Variants in PDE4D observed in about 807,000 individuals in gnomAD.
PDE4D encodes the protein 3',5'-cyclic-AMP phosphodiesterase 4D.
Under a neutral mutation model 87.4 loss-of-function variants are expected in PDE4D, and 24 were observed. That is an observed-to-expected ratio of 0.27 (90% CI 0.20 to 0.39). The LOEUF is 0.39. PDE4D is among the 10% of genes least tolerant of loss of function. The pLI, the probability that PDE4D is intolerant of heterozygous loss-of-function variation, is 1.00. For missense variants in PDE4D, 714 were observed against 1,041.0 expected (o/e 0.69, Z 4.32); for synonymous variants, 384 against 383.2 (o/e 1.00, Z -0.02).
intron 1 of PDE4D, among the ~76,000 whole-genome samples, chr5:60,248,944 C>T (rs1012865578): frequency 2.6e-5 from 4 of 152,014 alleles, no homozygotes; most frequent in Admixed American, 1.3e-4. Flanking sequence ...GCATTCACTG[C>T]GCAAAGAGCA....
chr5:60,334,403 A>G (rs1158250054), intron 1 of PDE4D, among the ~76,000 whole-genome samples: 1 of 152,192 alleles, frequency 6.6e-6, no homozygotes, highest in Non-Finnish European at 1.5e-5. Flanking sequence ...CAAGCTAGTG[A>G]GTAAGGGAAT....
At position 60,378,899 on chromosome 5, in the gene PDE4D, A is replaced by AGAG. The variant is rs567222821; in HGVS notation, c.-90+109042_-90+109043insCTC. 3.1e-3 allele frequency among the ~76,000 whole-genome samples: 470 copies of AGAG among 151,062 alleles called. 3 individuals carry two copies. The highest frequency in any genetic ancestry group is 0.011 in the African/African-American group (442 of 40,600). On this transcript the variant is annotated intron_variant, in intron 1 of 16. Transcript: ENST00000502484. ...AGAAAGAAAGAGAGAGAGAGAGAGA[A>AGAG]AGAAAGAAAGAAAGAAAGCAGTATG...
intron 3 of PDE4D, among the ~76,000 whole-genome samples, chr5:59,944,974 C>T (rs372031183): frequency 5.3e-5 from 8 of 152,182 alleles, no homozygotes; most frequent in African/African-American, 1.9e-4. Context: ...AAATAACCAC[C>T]CTGGACTATA....
chr5:60,023,345 A>T (rs1456727449), intron 2 of PDE4D, among the ~76,000 whole-genome samples: 3 of 151,986 alleles, frequency 2.0e-5, no homozygotes, highest in Non-Finnish European at 4.4e-5. Context: ...TCTTATTTCA[A>T]CTTTTTTGTT....
At chr5:59,322,680 C>T (rs27170) in intron 1 of PDE4D, among the ~76,000 whole-genome samples, 92,913 of 151,994 alleles carry the variant, frequency 0.61, 29,510 homozygotes, top group African/African-American at 0.77. Flanking sequence ...GGTTTAGTCA[C>T]ATTATGTGCT....
At chr5:60,363,946 A>C (rs1448199642) in intron 1 of PDE4D, among the ~76,000 whole-genome samples, 1 of 152,226 alleles carries the variant, frequency 6.6e-6, no homozygotes, top group Non-Finnish European at 1.5e-5. Flanking sequence ...ATGTGGAATA[A>C]AATCCAAGAT....
intron 1 of PDE4D, among the ~76,000 whole-genome samples, chr5:59,716,645 A>C (rs1458151392): frequency 6.6e-6 from 1 of 152,164 alleles, no homozygotes; most frequent in Non-Finnish European, 1.5e-5. Flanking sequence ...AAGAATATTC[A>C]CAGTAGTACT....
chr5:59,660,455 A>G (rs944770479), intron 1 of PDE4D, among the ~76,000 whole-genome samples: 1 of 152,044 alleles, frequency 6.6e-6, no homozygotes. Flanking sequence ...ATGAGGCTTC[A>G]TTATTTTTTT....
chr5:59,529,266 A>G (rs1813716943), intron 1 of PDE4D: 2 of 449,574 alleles, frequency 4.4e-6, no homozygotes, highest in Non-Finnish European at 8.8e-6. Flanking sequence ...TCTGGCAATG[A>G]TGACTATAAG....
intron 5 of PDE4D, among the ~76,000 whole-genome samples, chr5:59,152,246 G>C (rs1779577687): frequency 1.3e-5 from 2 of 152,076 alleles, no homozygotes; most frequent in African/African-American, 4.8e-5. Context: ...ACACAGAATT[G>C]TTATTATTGA....
intron 1 of PDE4D, among the ~76,000 whole-genome samples, chr5:59,323,697 C>T (rs1020812017): frequency 6.6e-6 from 1 of 152,078 alleles, no homozygotes; most frequent in Non-Finnish European, 1.5e-5. Flanking sequence ...ACCACTCTTT[C>T]CTGGAATATT....
rs1561221742 is a variant in PDE4D at position 60,411,033 on chromosome 5, T to C, written c.-90+76909A>G. ...TTCCCCAGGTCAGTTTTGCAGCTAA[T>C]ACATGGAAGAACTGACATTTGAACA... On this transcript the variant is annotated intron_variant, in intron 1 of 16. Transcript: ENST00000502484. 3.3e-5 allele frequency among the ~76,000 whole-genome samples: 5 copies of C among 152,308 alleles called. No individual in the cohort carries two copies. The South Asian group carries it at 8.3e-4, about 25-fold the overall frequency.
chr5:59,703,278 T>C (rs1752878014), intron 1 of PDE4D, among the ~76,000 whole-genome samples: 3 of 152,206 alleles, frequency 2.0e-5, no homozygotes, highest in African/African-American at 7.2e-5. Context: ...TTTTACAACT[T>C]ACATTGCAAA....
intron 2 of PDE4D, among the ~76,000 whole-genome samples, chr5:60,058,943 A>G (rs1771082596): frequency 6.6e-6 from 1 of 151,922 alleles, no homozygotes; most frequent in African/African-American, 2.4e-5. Flanking sequence ...GTATATATTC[A>G]GAAAAATGAT....
chr5:59,379,501 G>A (rs537853028), intron 1 of PDE4D, among the ~76,000 whole-genome samples: 5 of 151,034 alleles, frequency 3.3e-5, no homozygotes, highest in East Asian at 3.9e-4. Flanking sequence ...ATATATTTAC[G>A]CATCTAATTT....
At chr5:60,312,673 C>T (rs1406719458) in intron 1 of PDE4D, among the ~76,000 whole-genome samples, 2 of 152,188 alleles carry the variant, frequency 1.3e-5, no homozygotes, top group Non-Finnish European at 2.9e-5. Context: ...TAACCTCCAC[C>T]TGGTCCCACC....
chr5:59,394,233 AGAG>A (rs1340970957), intron 1 of PDE4D, among the ~76,000 whole-genome samples: 1 of 152,246 alleles, frequency 6.6e-6, no homozygotes, highest in East Asian at 1.9e-4. Flanking sequence ...CCTTAGAAGA[AGAG>A]ATGTGCCCCT....
At chr5:60,011,847 G>A (rs896475316) in intron 2 of PDE4D, among the ~76,000 whole-genome samples, 2 of 152,064 alleles carry the variant, frequency 1.3e-5, no homozygotes, top group Non-Finnish European at 2.9e-5. Context: ...TTAAAAAGTG[G>A]TTCTAATTGA....
chr5:59,010,713 C>A (rs1361400006), intron 6 of PDE4D, among the ~76,000 whole-genome samples: 1 of 152,114 alleles, frequency 6.6e-6, no homozygotes, highest in Non-Finnish European at 1.5e-5. Flanking sequence ...ATAGGAACAG[C>A]TCCAGTCTAC....
Sources: gnomAD v4.1 joint callset for allele counts (sites outside exome capture counted in the v4.1 genomes callset) on GRCh38, gnomAD v4.1.1 for gene constraint, MANE v1.5 for transcripts, NCBI Gene and HGNC (gene_info 2026-07-23, HGNC 2026-07-21) for gene names.